The following PHACTR3 variants were observed in gnomAD, a reference collection of about 807,000 sequenced individuals.
PHACTR3 encodes phosphatase and actin regulator 3.
PHACTR3 carries 16 observed loss-of-function variants against 66.8 expected under a neutral mutation model. The ratio of observed to expected loss-of-function variants is 0.24; its 90% confidence interval spans 0.16 to 0.36. The LOEUF (loss-of-function observed/expected upper bound fraction) is 0.36, where lower values mean the gene tolerates loss of function less well. Ranked by LOEUF, PHACTR3 falls within the 10% of genes least tolerant of loss-of-function variation. PHACTR3 has a pLI of 1.00. For missense variants in PHACTR3, 647 were observed against 719.9 expected, an observed-to-expected ratio of 0.90 and a Z score of 1.16; for synonymous variants, 323 against 292.1, an observed-to-expected ratio of 1.11 and a Z score of -1.08.
intron 7 of PHACTR3, among the ~76,000 whole-genome samples, chr20:59,775,349 T>C (rs1032811987): frequency 2.8e-4 from 42 of 152,202 alleles, no homozygotes; most frequent in African/African-American, 1.0e-3. Context: ...TCATGGTGAC[T>C]GTTGCGGGCA....
At chr20:59,612,323 T>C (rs1413305245) in intron 1 of PHACTR3, among the ~76,000 whole-genome samples, 1 of 150,388 alleles carries the variant, frequency 6.6e-6, no homozygotes, top group African/African-American at 2.4e-5. Flanking sequence ...TCTTGCCCTG[T>C]GGAAATGTGG....
chr20:59,809,228 G>A (rs1469030717), intron 8 of PHACTR3, among the ~76,000 whole-genome samples: 4 of 152,146 alleles, frequency 2.6e-5, no homozygotes, highest in Admixed American at 6.5e-5. Context: ...CCGGGGTGGG[G>A]CTGTGGATAG....
chr20:59,704,995 C>T (rs1177652429), intron 1 of PHACTR3, among the ~76,000 whole-genome samples: 5 of 147,916 alleles, frequency 3.4e-5, no homozygotes, highest in African/African-American at 1.0e-4. Flanking sequence ...CTCACTCTGT[C>T]GCCCAGACTG....
At chr20:59,786,427 G>T (rs1206240575) in intron 7 of PHACTR3, among the ~76,000 whole-genome samples, 3 of 152,240 alleles carry the variant, frequency 2.0e-5, no homozygotes, top group Non-Finnish European at 4.4e-5. Context: ...GAGGGCTGCT[G>T]TGGCCTCCTG....
chr20:59,753,442 A>G (rs545814633), intron 3 of PHACTR3, among the ~76,000 whole-genome samples: 9 of 152,326 alleles, frequency 5.9e-5, no homozygotes, highest in Admixed American at 5.2e-4. Flanking sequence ...TGGGTCTGGC[A>G]TGAGTCCTGG....
chr20:59,596,836 G>A (rs997561271), intron 1 of PHACTR3, among the ~76,000 whole-genome samples: 14 of 152,216 alleles, frequency 9.2e-5, no homozygotes, highest in African/African-American at 1.4e-4. Flanking sequence ...TATAGGTCAC[G>A]TGCAGGCACC....
chr20:59,638,424 A>T (rs1042070474), intron 1 of PHACTR3, among the ~76,000 whole-genome samples: 2 of 148,648 alleles, frequency 1.3e-5, no homozygotes, highest in African/African-American at 5.0e-5. Context: ...GGATGAATGG[A>T]TGATGGATGA....
intron 1 of PHACTR3, among the ~76,000 whole-genome samples, chr20:59,625,346 G>T (rs977601649): frequency 6.6e-6 from 1 of 151,982 alleles, no homozygotes; most frequent in Non-Finnish European, 1.5e-5. Flanking sequence ...TGGGCACGGG[G>T]TTTGCCCGGC....
intron 7 of PHACTR3, among the ~76,000 whole-genome samples, chr20:59,800,696 G>T (rs1309606035): frequency 6.6e-6 from 1 of 152,152 alleles, no homozygotes; most frequent in East Asian, 1.9e-4. Flanking sequence ...TGCAGGCATG[G>T]TAATTTTTTA....
At chr20:59,712,214 G>T (rs1023856350) in intron 1 of PHACTR3, among the ~76,000 whole-genome samples, 36 of 152,108 alleles carry the variant, frequency 2.4e-4, no homozygotes, top group African/African-American at 8.0e-4. Flanking sequence ...ATCTATCTTA[G>T]TGGGGGTATG....
At chr20:59,635,086 T>G (rs2034799078) in intron 1 of PHACTR3, among the ~76,000 whole-genome samples, 1 of 144,896 alleles carries the variant, frequency 6.9e-6, no homozygotes, top group Admixed American at 6.9e-5. Flanking sequence ...TTCTTTTTTC[T>G]TTCTTTCTTT....
At chr20:59,831,248 C>T (rs1393756885) in intron 8 of PHACTR3, among the ~76,000 whole-genome samples, 1 of 152,156 alleles carries the variant, frequency 6.6e-6, no homozygotes, top group African/African-American at 2.4e-5. Context: ...TGCTCGATAC[C>T]TTTAATTCCT....
intron 4 of PHACTR3, among the ~76,000 whole-genome samples, chr20:59,760,758 C>T (rs1369397919): frequency 2.0e-5 from 3 of 152,108 alleles, no homozygotes; most frequent in Admixed American, 6.5e-5. Context: ...CAGAAGGATC[C>T]GGTGTTTTGA....
intron 1 of PHACTR3, among the ~76,000 whole-genome samples, chr20:59,687,333 A>T (rs919812694): frequency 1.3e-5 from 2 of 152,138 alleles, no homozygotes; most frequent in Non-Finnish European, 2.9e-5. Context: ...GATGGTGGTA[A>T]TGAGGGTGAT....
intron 1 of PHACTR3, among the ~76,000 whole-genome samples, chr20:59,716,532 C>G (rs924833070): frequency 1.4e-5 from 2 of 145,924 alleles, no homozygotes; most frequent in Non-Finnish European, 3.1e-5. Context: ...GCATGATCCA[C>G]TGCACCCGGC....
chr20:59,775,955 G>T (rs978047277), intron 7 of PHACTR3, among the ~76,000 whole-genome samples: 1 of 152,192 alleles, frequency 6.6e-6, no homozygotes, highest in Non-Finnish European at 1.5e-5. Flanking sequence ...CTCCACACTG[G>T]ATTCCCCCAG....
chr20:59,633,702 G>A (rs1600967310), intron 1 of PHACTR3, among the ~76,000 whole-genome samples: 1 of 152,118 alleles, frequency 6.6e-6, no homozygotes, highest in East Asian at 1.9e-4. Flanking sequence ...TTTTTGTGTT[G>A]TGGAGGGCTC....
chr20:59,606,498 G>GTTTTAATTAA (rs373614253), intron 1 of PHACTR3, among the ~76,000 whole-genome samples: 1,771 of 152,214 alleles, frequency 0.012, 18 homozygotes, highest in Non-Finnish European at 0.018. Flanking sequence ...GACCCTTAAG[G>GTTTTAATTAA]TTTTAATTAA....
upstream of PHACTR3, among the ~76,000 whole-genome samples, chr20:59,600,987 T>C (rs2033464235): frequency 6.6e-6 from 1 of 151,916 alleles, no homozygotes; most frequent in African/African-American, 2.4e-5. Flanking sequence ...AATTTACATA[T>C]CATTAAGTTC....
Sources: gnomAD v4.1 joint callset for allele counts (sites outside exome capture counted in the v4.1 genomes callset) on GRCh38, gnomAD v4.1.1 for gene constraint, MANE v1.5 for transcripts, NCBI Gene and HGNC (gene_info 2026-07-23, HGNC 2026-07-21) for gene names.